Variants in KCNQ1 observed in about 807,000 individuals in gnomAD.
KCNQ1 encodes potassium voltage-gated channel subfamily KQT member 1.
A neutral mutation model predicts 72.4 loss-of-function variants in KCNQ1; 49 were observed. The observed-to-expected ratio is 0.68, with a 90% confidence interval of 0.54 to 0.86. The LOEUF is 0.86. Ranked by LOEUF, KCNQ1 falls within the 40% of genes least tolerant of loss-of-function variation. KCNQ1 has a pLI of 0.00. For missense variants in KCNQ1, 790 were observed against 945.1 expected (o/e 0.84, Z 2.15); for synonymous variants, 450 against 412.6 (o/e 1.09, Z -1.10).
intron 15 of KCNQ1, among the ~76,000 whole-genome samples, chr11:2,794,685 T>C (rs1847097102): frequency 6.6e-6 from 1 of 151,792 alleles, no homozygotes; most frequent in South Asian, 2.1e-4. Flanking sequence ...CAGGTGAGGG[T>C]GTCCTGGAGG....
At position 2,782,169 on chromosome 11, in the gene KCNQ1, C is replaced by T. The variant is rs952328092; in HGVS notation, c.1794+4132C>T. Among the ~76,000 whole-genome samples, 2 of 152,178 alleles carry T rather than the reference C, an allele frequency of 1.3e-5. No homozygotes were observed. Among genetic ancestry groups the T allele is most frequent in the Admixed American group, 6.5e-5 (1 of 15,286 alleles). ...CCCCGAGCTGCACCCCCAGAGCCGC[C>T]GTGCTGCTGTTCATCCTCTCCCTTT... On this transcript the variant is annotated intron_variant, in intron 15 of 15. Transcript: ENST00000155840. The surrounding 1 kb of genome is among the most constrained non-coding windows in gnomAD (Gnocchi z 6.1).
At chr11:2,675,429 CGTTAA>C in intron 11 of KCNQ1, 1 of 398,360 alleles carries the variant, frequency 2.5e-6, no homozygotes, top group Non-Finnish European at 4.4e-6. Flanking sequence ...TGTCATTTTG[CGTTAA>C]AATAAAAGAT....
intron 2 of KCNQ1, among the ~76,000 whole-genome samples, chr11:2,553,952 G>A (rs1358068185): frequency 1.3e-5 from 2 of 152,152 alleles, no homozygotes; most frequent in Non-Finnish European, 2.9e-5. Context: ...CCTGACCTCA[G>A]GTGATCTGCC....
rs1156627439 is a variant in KCNQ1, at chr11:2,669,328, AGG to A, written c.1514+7248_1514+7249del. ...CCAGTTGCCATGGAAAGCCTCCTCT[AGG>A]CGCAGCAGCCTCTAGATGGGCATGG... On this transcript the variant is annotated intron_variant, in intron 11 of 15. Transcript: ENST00000155840. This position sits in a 1 kb window ranked among gnomAD's most constrained non-coding sequence, Gnocchi z 5.6. 1.5e-5 allele frequency: 6 copies of A among 398,564 alleles called. No individual in the cohort carries two copies. The highest frequency in any genetic ancestry group is 1.2e-4 in the African/African-American group (6 of 48,714). 24.7% of individuals were successfully genotyped at this position (398,564 alleles called of 1,614,324 possible).
chr11:2,515,817 C>T lies in KCNQ1; in HGVS notation c.387-12111C>T, dbSNP rs148818262. 5.3e-4 allele frequency among the ~76,000 whole-genome samples: 80 copies of T among 152,202 alleles called. 2 individuals are homozygous for T. The East Asian group carries it at 0.012, about 24-fold the overall frequency. ...ACAGAGCCCCGTTCCCAGCAGCCCT[C>T]GGCCCTGGGGGGCTTGTGCTCTGCC... On this transcript the variant is annotated intron_variant, in intron 1 of 15. Transcript: ENST00000155840. This position sits in a 1 kb window ranked among gnomAD's most constrained non-coding sequence, Gnocchi z 4.7.
At position 2,767,061 on chromosome 11, in the gene KCNQ1, A is replaced by G. The variant is rs921706877; in HGVS notation, c.1515-1783A>G. 6.6e-6 allele frequency among the ~76,000 whole-genome samples: 1 copy of G among 152,186 alleles called. No individual in the cohort carries two copies. Among genetic ancestry groups the G allele is most frequent in the South Asian group, 2.1e-4 (1 of 4,832 alleles). ...GCATGGTGGTGTGCACCTGCTACTC[A>G]GGAGGCTGAGGCAGAAAAATCACTT... On this transcript the variant is annotated intron_variant, in intron 11 of 15. Transcript: ENST00000155840. The surrounding 1 kb of genome is among the most constrained non-coding windows in gnomAD (Gnocchi z 4.6).
At chr11:2,530,574 C>T (rs1032711904) in intron 2 of KCNQ1, among the ~76,000 whole-genome samples, 11 of 152,196 alleles carry the variant, frequency 7.2e-5, no homozygotes, top group African/African-American at 2.2e-4. Context: ...AATGTGTACA[C>T]GCATGTGCGT....
At chr11:2,519,014 AG>A (rs1847333085) in intron 1 of KCNQ1, among the ~76,000 whole-genome samples, 1 of 152,122 alleles carries the variant, frequency 6.6e-6, no homozygotes, top group South Asian at 2.1e-4. Context: ...TGTGGCTGCC[AG>A]GGGAGGGGCT....
In KCNQ1 at chr11:2,632,256, T is replaced by A; in HGVS notation, c.1394-29705T>A. ...CTTACTATCCTGCTACTTTGCTGAA[T>A]TAATTTATTCAGTTTTTGTGGTGAG... On this transcript the variant is annotated intron_variant, in intron 10 of 15. Coordinates refer to ENST00000155840, the MANE Select transcript of KCNQ1 (RefSeq NM_000218.3). 3 of 397,910 alleles carry A rather than the reference T, an allele frequency of 7.5e-6. No individual in the cohort carries two copies. The East Asian group carries it at 1.1e-4, about 14-fold the overall frequency. 24.6% of individuals were successfully genotyped at this position (397,910 alleles called of 1,614,324 possible).
chr11:2,511,266 G>C (rs1213695221), intron 1 of KCNQ1, among the ~76,000 whole-genome samples: 5 of 152,178 alleles, frequency 3.3e-5, no homozygotes, highest in Admixed American at 3.3e-4. Context: ...AGCCCCTACT[G>C]TTCCTGGCAG....
At chr11:2,771,773 G>T (rs1158277490) in intron 12 of KCNQ1, among the ~76,000 whole-genome samples, 4 of 152,186 alleles carry the variant, frequency 2.6e-5, no homozygotes, top group Admixed American at 6.5e-5. Context: ...GCCAGCCCCA[G>T]CAGGCCCTGT....
At chr11:2,837,496 G>C (rs1848097348) in intron 15 of KCNQ1, among the ~76,000 whole-genome samples, 1 of 152,250 alleles carries the variant, frequency 6.6e-6, no homozygotes, top group African/African-American at 2.4e-5. Flanking sequence ...AGGTGACCAA[G>C]GCCCAGGGTC....
chr11:2,847,958 C>A lies in KCNQ1; in HGVS notation c.1986C>A (p.Tyr662Ter). ...TGCCCAGCAACACCCTGCCCACCTA[C>A]GAGCAGCTGACCGTGCCCAGGAGGG... is the stretch of plus-strand genomic sequence containing the variant. ...LFLPSNTLPT[Y>*]EQLTVPRRGP... Residue 662 changes from tyrosine (Y) to a stop codon, truncating the protein, a stop_gained, in exon 16 of 16, where the codon TAC becomes TAA. Transcript: ENST00000155840. LOFTEE classifies it high-confidence loss of function. 1 of 1,564,620 alleles carries A rather than the reference C, an allele frequency of 6.4e-7. No individual in the cohort carries two copies. The highest frequency in any genetic ancestry group is 8.7e-7 in the Non-Finnish European group (1 of 1,153,504).
chr11:2,777,179 G>A (rs1846723646), intron 14 of KCNQ1, 147 bp downstream of exon 14: 2 of 811,370 alleles, frequency 2.5e-6, no homozygotes, highest in Non-Finnish European at 4.2e-6. Context: ...GGAGTAAGGG[G>A]AGGTAGACCC....
Position 2,657,453 on chromosome 11 carries a change from C to A in KCNQ1, c.1394-4508C>A. ...GTTAGATAATTAATATTCTTTTGTG[C>A]TATTGTATACAGGTTCTGTTTTCTC... is the stretch of plus-strand genomic sequence containing the variant. On this transcript the variant is annotated intron_variant, in intron 10 of 15. Coordinates refer to ENST00000155840, the MANE Select transcript of KCNQ1 (RefSeq NM_000218.3). This position sits in a 1 kb window ranked among gnomAD's most constrained non-coding sequence, Gnocchi z 4.8. 1 of 398,460 alleles carries A rather than the reference C, an allele frequency of 2.5e-6. No homozygotes were observed. The highest frequency in any genetic ancestry group is 4.4e-6 in the Non-Finnish European group (1 of 226,030). 24.7% of individuals were successfully genotyped at this position (398,460 alleles called of 1,614,324 possible). A position where few individuals can be genotyped will look rare whatever the true frequency, so the allele number is the denominator to read the frequency against.
rs978533683 is a variant in KCNQ1 at position 2,817,132 on chromosome 11, G to A, written c.1795-30635G>A. ...AGGCCTGTGGCGCCAGCCTGCACCCGGCTCTGCTCCACAGGCCAACTCTGC... is the reference window on the plus strand; with the variant it reads ...AGGCCTGTGGCGCCAGCCTGCACCCAGCTCTGCTCCACAGGCCAACTCTGC... On this transcript the variant is annotated intron_variant, in intron 15 of 15. Coordinates refer to ENST00000155840, the MANE Select transcript of KCNQ1 (RefSeq NM_000218.3). The surrounding 1 kb of genome is among the most constrained non-coding windows in gnomAD (Gnocchi z 6.1). Among the ~76,000 whole-genome samples the A allele has an allele frequency of 6.6e-6, 1 of 152,116 alleles. No individual in the cohort carries two copies. The highest frequency in any genetic ancestry group is 1.5e-5 in the Non-Finnish European group (1 of 68,012).
At chr11:2,512,442 G>T (rs1390073363) in intron 1 of KCNQ1, among the ~76,000 whole-genome samples, 1 of 151,930 alleles carries the variant, frequency 6.6e-6, no homozygotes, top group East Asian at 1.9e-4. Flanking sequence ...CCTCATCCTT[G>T]CCCCCACACA....
At chr11:2,640,685 T>A (rs895938494) in intron 10 of KCNQ1, 1 of 398,418 alleles carries the variant, frequency 2.5e-6, no homozygotes, top group Non-Finnish European at 4.4e-6. Flanking sequence ...TCTCTATAGT[T>A]AGGAACATTT....
At chr11:2,799,489 G>A (rs1237836289) in intron 15 of KCNQ1, among the ~76,000 whole-genome samples, 2 of 151,822 alleles carry the variant, frequency 1.3e-5, no homozygotes, top group African/African-American at 2.4e-5. Context: ...GGCAGTGTGT[G>A]TGTTTTGTTG....
Sources: allele counts gnomAD v4.1 joint callset (sites outside exome capture counted in the v4.1 genomes callset), GRCh38; gene constraint gnomAD v4.1.1; non-coding constraint Gnocchi (gnomAD v3.1); transcripts MANE v1.5; gene names NCBI Gene and HGNC (gene_info 2026-07-23, HGNC 2026-07-21).